The following KCNMB2 variants were observed in gnomAD, a reference collection of about 807,000 sequenced individuals.
KCNMB2 encodes the protein calcium-activated potassium channel subunit beta-2.
In KCNMB2, 9 loss-of-function variants were observed where a neutral mutation model predicts 24.5. The ratio of observed to expected loss-of-function variants is 0.37; its 90% CI spans 0.22 to 0.64. The LOEUF is 0.64. Among genes scored for constraint, KCNMB2 ranks in the 30% least tolerant of loss-of-function variants. KCNMB2 has a pLI of 0.63. For missense variants in KCNMB2, 226 were observed against 284.3 expected, an observed-to-expected ratio of 0.79 and a Z score of 1.47; for synonymous variants, 109 against 104.4, an observed-to-expected ratio of 1.04 and a Z score of -0.27.
Position 178,842,945 on chromosome 3 carries a change from A to G in KCNMB2, c.*8A>G. 1 of 1,586,664 alleles carries G rather than the reference A, an allele frequency of 6.3e-7. No homozygotes were observed. Among genetic ancestry groups the G allele is most frequent in the Middle Eastern group, 1.7e-4 (1 of 5,904 alleles). On this transcript the variant is annotated 3_prime_UTR_variant, in exon 5 of 5. Coordinates refer to ENST00000452583, the MANE Select transcript of KCNMB2 (RefSeq NM_181361.3). ...CAACGGATCAATAGATAAATGCAAA[A>G]ATGGATAAAATAATTTTTGTTAAAG... is the stretch of plus-strand genomic sequence containing the variant.
chr3:178,554,081 A>G (rs1716045610), intron 1 of KCNMB2, among the ~76,000 whole-genome samples: 1 of 152,170 alleles, frequency 6.6e-6, no homozygotes, highest in Admixed American at 6.5e-5. Context: ...CTGATGATAA[A>G]GCTATGAGGT....
chr3:178,627,483 C>T (rs1719163553), intron 1 of KCNMB2, among the ~76,000 whole-genome samples: 1 of 152,174 alleles, frequency 6.6e-6, no homozygotes, highest in Admixed American at 6.5e-5. Context: ...AAAACTTTTA[C>T]ATTTGTTCTT....
chr3:178,557,035 G>A (rs1049434682), intron 1 of KCNMB2, among the ~76,000 whole-genome samples: 8 of 152,048 alleles, frequency 5.3e-5, no homozygotes, highest in African/African-American at 1.7e-4. Flanking sequence ...TTTGAGGGAA[G>A]GAGCCAGTAA....
At chr3:178,593,375 G>T (rs1425728351) in intron 1 of KCNMB2, among the ~76,000 whole-genome samples, 1 of 152,062 alleles carries the variant, frequency 6.6e-6, no homozygotes, top group South Asian at 2.1e-4. Context: ...CTAATCAAAT[G>T]AAATGCATCT....
chr3:178,683,898 A>T (rs1721363932), intron 1 of KCNMB2, among the ~76,000 whole-genome samples: 1 of 152,224 alleles, frequency 6.6e-6, no homozygotes, highest in Non-Finnish European at 1.5e-5. Flanking sequence ...AACAGTATGG[A>T]GGTTTCTAAA....
At chr3:178,839,219 T>C (rs1005950709) in intron 4 of KCNMB2, among the ~76,000 whole-genome samples, 1 of 152,060 alleles carries the variant, frequency 6.6e-6, no homozygotes, top group Non-Finnish European at 1.5e-5. Context: ...ATATCAGTTT[T>C]GTCATGGCAC....
chr3:178,614,293 A>ATATATATATATATATATG (rs1560131728), intron 1 of KCNMB2, among the ~76,000 whole-genome samples: 1 of 85,964 alleles, frequency 1.2e-5, no homozygotes, highest in Non-Finnish European at 2.3e-5. Flanking sequence ...ATATATATAT[A>ATATATATATATATATATG]TATGTATGTA....
intron 1 of KCNMB2, among the ~76,000 whole-genome samples, chr3:178,679,059 T>TTTG (rs539115969): frequency 0.3 from 44,127 of 148,210 alleles, 6,577 homozygotes; most frequent in African/African-American, 0.39. Context: ...TTTGTTTTTG[T>TTTG]TTTTTTTATT....
At chr3:178,695,227 C>A (rs556742281) in intron 1 of KCNMB2, among the ~76,000 whole-genome samples, 72 of 152,344 alleles carry the variant, frequency 4.7e-4, no homozygotes, top group African/African-American at 1.7e-3. Flanking sequence ...TACAGGGAAC[C>A]AAGTCCCCAT....
intron 1 of KCNMB2, chr3:178,729,225 G>T (rs1161349134): frequency 6.6e-6 from 1 of 152,184 alleles, no homozygotes; most frequent in African/African-American, 2.4e-5. Context: ...ACTCAATTTT[G>T]ACACAGAGTA....
At position 178,841,981 on chromosome 3, in the gene KCNMB2, G is replaced by A. The variant is rs377099011; in HGVS notation, c.424-672G>A. Among the ~76,000 whole-genome samples, 6 of 152,144 alleles carry A rather than the reference G, an allele frequency of 3.9e-5. No homozygotes were observed. The East Asian group carries it at 9.6e-4, about 24-fold the overall frequency. On this transcript the variant is annotated intron_variant, in intron 4 of 4. Transcript: ENST00000452583. ...TCTTCCTTGGCTTATAGGAAAAGCT[G>A]TTTTATTTTTCCTTGGCTTATAGGA...
intron 1 of KCNMB2, among the ~76,000 whole-genome samples, chr3:178,690,570 T>C (rs1025161378): frequency 3.3e-5 from 5 of 151,890 alleles, no homozygotes; most frequent in Non-Finnish European, 7.4e-5. Flanking sequence ...AGGGAAGAAC[T>C]GAGACAATGG....
Position 178,795,819 on chromosome 3 carries a change from A to G in KCNMB2, c.-67-11524A>G, listed in dbSNP as rs141246751. Among the ~76,000 whole-genome samples, 21 of 152,340 alleles carry G rather than the reference A, an allele frequency of 1.4e-4. No individual in the cohort carries two copies. The East Asian group carries it at 3.1e-3, about 22-fold the overall frequency. On this transcript the variant is annotated intron_variant, in intron 1 of 4. Coordinates refer to ENST00000452583, the MANE Select transcript of KCNMB2 (RefSeq NM_181361.3). ...GATTAAACAATATAAAATATAATATACTAAATAAAAATAGATTATGTGTGT... is the reference window on the plus strand; with the variant it reads ...GATTAAACAATATAAAATATAATATGCTAAATAAAAATAGATTATGTGTGT...
chr3:178,805,297 G>A (rs1310311170), intron 1 of KCNMB2, among the ~76,000 whole-genome samples: 2 of 152,150 alleles, frequency 1.3e-5, no homozygotes, highest in African/African-American at 4.8e-5. Flanking sequence ...AATACACAAC[G>A]ATATAGTATA....
chr3:178,603,361 T>C (rs371582729), intron 1 of KCNMB2, among the ~76,000 whole-genome samples: 36 of 151,926 alleles, frequency 2.4e-4, no homozygotes, highest in African/African-American at 7.5e-4. Context: ...TGGGAAGGTA[T>C]GGAGATAGAG....
At chr3:178,676,596 T>C (rs77149717) in intron 1 of KCNMB2, among the ~76,000 whole-genome samples, 2,159 of 152,278 alleles carry the variant, frequency 0.014, 34 homozygotes, top group Non-Finnish European at 0.017. Flanking sequence ...CACTGAGCCC[T>C]AAGCTTGAGT....
chr3:178,633,128 A>G (rs550353929), intron 1 of KCNMB2, among the ~76,000 whole-genome samples: 2 of 152,212 alleles, frequency 1.3e-5, no homozygotes, highest in African/African-American at 4.8e-5. Context: ...CCCCCCCGCC[A>G]GCTCCTTTCA....
intron 1 of KCNMB2, among the ~76,000 whole-genome samples, chr3:178,680,626 G>A (rs1401652836): frequency 2.0e-5 from 3 of 152,006 alleles, no homozygotes; most frequent in Non-Finnish European, 2.9e-5. Flanking sequence ...TCATGTCTCT[G>A]ATATCCTCCA....
intron 1 of KCNMB2, among the ~76,000 whole-genome samples, chr3:178,652,309 G>A (rs1468814439): frequency 6.6e-6 from 1 of 152,072 alleles, no homozygotes; most frequent in African/African-American, 2.4e-5. Context: ...TGCACACTGG[G>A]ACCTGTCGAG....
Sources: gnomAD v4.1 joint callset for allele counts (sites outside exome capture counted in the v4.1 genomes callset) on GRCh38, gnomAD v4.1.1 for gene constraint, MANE v1.5 for transcripts, NCBI Gene and HGNC (gene_info 2026-07-23, HGNC 2026-07-21) for gene names.